Variants in SNCAIP observed in about 807,000 individuals in gnomAD.
The protein encoded by SNCAIP is synphilin-1.
Under a neutral mutation model 86.7 loss-of-function variants are expected in SNCAIP, and 43 were observed. The observed-to-expected ratio is 0.50, with a 90% confidence interval of 0.39 to 0.64. The LOEUF is 0.64. Ranked by LOEUF, SNCAIP falls within the 30% of genes least tolerant of loss-of-function variation. The pLI is 0.00. For synonymous variants in SNCAIP, 417 were observed against 427.2 expected (o/e 0.98, Z 0.29); for missense variants, 981 against 1,103.1 (o/e 0.89, Z 1.57).
rs143580704 is a variant in SNCAIP, at chr5:122,333,828, A to G, written c.-47+21544A>G. On this transcript the variant is annotated intron_variant, in intron 1 of 10. Coordinates refer to ENST00000261368, the MANE Select transcript of SNCAIP (RefSeq NM_005460.4). ...TGTGCCTTAAAGATTATTAATTGCA[A>G]TAGACTACCCATGCTAGTAAATTAC... Among the ~76,000 whole-genome samples, 14 of 152,334 alleles carry G rather than the reference A, an allele frequency of 9.2e-5. No individual in the cohort carries two copies. The Middle Eastern group carries it at 0.01, about 111-fold the overall frequency.
intron 10 of SNCAIP, among the ~76,000 whole-genome samples, chr5:122,455,390 C>T (rs1784541028): frequency 6.6e-6 from 1 of 152,174 alleles, no homozygotes; most frequent in Admixed American, 6.5e-5. Flanking sequence ...GCCTATGGGA[C>T]CCCACTGCAA....
intron 3 of SNCAIP, 93 bp from the exon 4 acceptor site, chr5:122,422,775 A>G (rs1457529722): frequency 9.6e-7 from 1 of 1,037,810 alleles, no homozygotes; most frequent in African/African-American, 1.6e-5. Flanking sequence ...CCTTAATTTG[A>G]ACATAATGTG....
chr5:122,406,830 G>T (rs555908969), intron 3 of SNCAIP, among the ~76,000 whole-genome samples: 7 of 151,892 alleles, frequency 4.6e-5, no homozygotes, highest in Non-Finnish European at 5.9e-5. Flanking sequence ...ACCCAATCTC[G>T]GGTATTTCTT....
intron 1 of SNCAIP, among the ~76,000 whole-genome samples, chr5:122,331,809 T>A (rs1027043906): frequency 6.6e-6 from 1 of 152,234 alleles, no homozygotes; most frequent in Non-Finnish European, 1.5e-5. Flanking sequence ...TAACTTAACA[T>A]GTCATGTTTA....
chr5:122,354,393 G>T (rs1315628659), intron 1 of SNCAIP, among the ~76,000 whole-genome samples: 1 of 152,160 alleles, frequency 6.6e-6, no homozygotes, highest in Non-Finnish European at 1.5e-5. Flanking sequence ...GAGATTTCTT[G>T]CGAGTGCTCC....
Position 122,445,531 on chromosome 5 carries a change from A to T in SNCAIP, c.1592+799A>T, listed in dbSNP as rs868173435. ...AGCTCACCCATTAAATACAGTTTCC[A>T]GATTGGGGAGGGTTTCCTGAAAATC... On this transcript the variant is annotated intron_variant, in intron 8 of 10. Transcript: ENST00000261368. Among the ~76,000 whole-genome samples the T allele has an allele frequency of 5.9e-5, 9 of 152,194 alleles. 1 individual carries two copies. The South Asian group carries it at 1.9e-3, about 32-fold the overall frequency.
intron 2 of SNCAIP, among the ~76,000 whole-genome samples, chr5:122,402,588 C>T: frequency 6.6e-6 from 1 of 151,836 alleles, no homozygotes; most frequent in East Asian, 1.9e-4. Flanking sequence ...ATCTACGTTC[C>T]CACCCTATGT....
rs573821252 is a variant in SNCAIP at position 122,419,119 on chromosome 5, A to G, written c.131-3749A>G. On this transcript the variant is annotated intron_variant, in intron 3 of 10. Transcript: ENST00000261368. The stretch of plus-strand genomic sequence containing the variant: ...GGAGATAGATTGCTTAGGAGACTGC[A>G]TAAGTGTTCATGTCACCATGTAGGC... 2.0e-5 allele frequency among the ~76,000 whole-genome samples: 3 copies of G among 152,288 alleles called. No homozygotes were observed. The South Asian group carries it at 6.2e-4, about 32-fold the overall frequency.
chr5:122,350,629 G>A lies in SNCAIP; in HGVS notation c.-47+38345G>A, dbSNP rs150871482. Reference sequence around the variant, plus strand: ...CATTACTGACCAACCTTACTTCCAAGCGTTTTGATGCAACAATCATCTTAT... The same window carrying A: ...CATTACTGACCAACCTTACTTCCAAACGTTTTGATGCAACAATCATCTTAT... On this transcript the variant is annotated intron_variant, in intron 1 of 10. Coordinates refer to ENST00000261368, the MANE Select transcript of SNCAIP (RefSeq NM_005460.4). 8.6e-4 allele frequency among the ~76,000 whole-genome samples: 131 copies of A among 152,000 alleles called. 1 individual carries two copies. In the East Asian group the frequency reaches 0.021, roughly 25 times the overall value.
rs1751169399 is a variant in SNCAIP, at chr5:122,313,859, G to A, written c.-47+1575G>A. Among the ~76,000 whole-genome samples, 3 of 152,324 alleles carry A rather than the reference G, an allele frequency of 2.0e-5. No individual in the cohort carries two copies. In the South Asian group the frequency reaches 6.2e-4, roughly 32 times the overall value. On this transcript the variant is annotated intron_variant, in intron 1 of 10. Coordinates refer to ENST00000261368, the MANE Select transcript of SNCAIP (RefSeq NM_005460.4). The stretch of plus-strand genomic sequence containing the variant: ...GCATTAACAGGTCTGGAATCAGAAA[G>A]TAAAAGATAGTGCTTCTCTTAAGGA...
intron 3 of SNCAIP, among the ~76,000 whole-genome samples, chr5:122,414,755 C>T (rs1319169129): frequency 6.6e-6 from 1 of 152,116 alleles, no homozygotes; most frequent in African/African-American, 2.4e-5. Flanking sequence ...TCCAGTGTTA[C>T]GGGAAGAAAG....
At chr5:122,337,957 CA>C (rs1756842925) in intron 1 of SNCAIP, among the ~76,000 whole-genome samples, 2 of 152,108 alleles carry the variant, frequency 1.3e-5, no homozygotes, top group Admixed American at 1.3e-4. Flanking sequence ...AGACATTTAT[CA>C]GATATTTATA....
chr5:122,329,344 T>C (rs78897929), intron 1 of SNCAIP, among the ~76,000 whole-genome samples: 1 of 151,500 alleles, frequency 6.6e-6, no homozygotes, highest in East Asian at 1.9e-4. Flanking sequence ...CAAATGAGAA[T>C]TAAAAAGAGG....
At chr5:122,360,810 T>C (rs1245894150) in intron 1 of SNCAIP, among the ~76,000 whole-genome samples, 1 of 152,138 alleles carries the variant, frequency 6.6e-6, no homozygotes, top group Non-Finnish European at 1.5e-5. Flanking sequence ...TTTTATTTTG[T>C]AATTTCTCCA....
intron 10 of SNCAIP, among the ~76,000 whole-genome samples, chr5:122,462,807 C>G (rs756418401): frequency 6.6e-6 from 1 of 152,150 alleles, no homozygotes; most frequent in Non-Finnish European, 1.5e-5. Flanking sequence ...CAGAATATAG[C>G]TCCTCTCTGA....
chr5:122,377,711 C>T (rs1395619881), intron 1 of SNCAIP, among the ~76,000 whole-genome samples: 2 of 133,212 alleles, frequency 1.5e-5, no homozygotes, highest in African/African-American at 2.8e-5. Context: ...CACAACAGTC[C>T]CCAGAGTGTG....
intron 1 of SNCAIP, among the ~76,000 whole-genome samples, chr5:122,374,556 C>T (rs1764903198): frequency 6.6e-6 from 1 of 152,084 alleles, no homozygotes; most frequent in African/African-American, 2.4e-5. Context: ...TTTCATAGCG[C>T]TCATCAACAG....
At chr5:122,389,972 C>G (rs1450978578) in intron 1 of SNCAIP, 1 of 151,984 alleles carries the variant, frequency 6.6e-6, no homozygotes, top group Admixed American at 6.6e-5. Context: ...CAAATGCCTT[C>G]AGAACAAATT....
chr5:122,340,243 C>T (rs1757293701), intron 1 of SNCAIP, among the ~76,000 whole-genome samples: 1 of 152,006 alleles, frequency 6.6e-6, no homozygotes, highest in Admixed American at 6.6e-5. Flanking sequence ...TTCTGCTGTG[C>T]TTCTTTTACA....
Sources: allele counts gnomAD v4.1 joint callset (sites outside exome capture counted in the v4.1 genomes callset), GRCh38; gene constraint gnomAD v4.1.1; transcripts MANE v1.5; gene names NCBI Gene and HGNC (gene_info 2026-07-23, HGNC 2026-07-21).